GLRA3: variants seen among roughly 807,000 people sequenced by gnomAD.
GLRA3 encodes the protein glycine receptor subunit alpha-3.
Under a neutral mutation model 60.4 loss-of-function variants are expected in GLRA3, and 44 were observed. That is an observed-to-expected ratio of 0.73 (90% confidence interval 0.57 to 0.94). The LOEUF (loss-of-function observed/expected upper bound fraction) is 0.94. Among genes scored for constraint, GLRA3 ranks in the 40% least tolerant of loss-of-function variants. The pLI, the probability that GLRA3 is intolerant of heterozygous loss-of-function variation, is 0.00. For synonymous variants in GLRA3, 223 were observed against 192.9 expected (o/e 1.16, Z -1.29); for missense variants, 508 against 564.6 (o/e 0.90, Z 1.02).
intron 2 of GLRA3, among the ~76,000 whole-genome samples, chr4:174,777,386 A>T: frequency 6.6e-6 from 1 of 152,228 alleles, no homozygotes; most frequent in East Asian, 1.9e-4. Flanking sequence ...AAGCCACGAA[A>T]AGACACAGAG....
chr4:174,821,051 AC>A lies in GLRA3; in HGVS notation c.71+7689del, dbSNP rs775614812. Reference sequence around the variant, plus strand: ...AAGTTAACTTTAAGAAGGAATGTAAACTTTTTACATGTATTTGACATTAAAA... The same window carrying A: ...AAGTTAACTTTAAGAAGGAATGTAAATTTTTACATGTATTTGACATTAAAA... On this transcript the variant is annotated intron_variant, in intron 1 of 9. Coordinates refer to ENST00000274093, the MANE Select transcript of GLRA3 (RefSeq NM_006529.4). 1.1e-4 allele frequency among the ~76,000 whole-genome samples: 17 copies of A among 152,316 alleles called. No individual in the cohort carries two copies. The East Asian group carries it at 1.9e-3, about 17-fold the overall frequency.
In GLRA3 at chr4:174,728,648, G is replaced by A. The variant is rs143084670; in HGVS notation, c.318C>T (p.Leu106=). The A allele has an allele frequency of 6.2e-6, 10 of 1,610,796 alleles. No individual in the cohort carries two copies. The highest frequency in any genetic ancestry group is 2.7e-5 in the African/African-American group (2 of 74,778). Residue 106 remains leucine (L), a synonymous_variant, in exon 4 of 10, where the codon CTC becomes CTT. Transcript: ENST00000274093. ...AGTCGTCAGGATATTCACTGTACGC[G>A]AGGCGGGGATCATTCCATTTCTGAC... ...FLRQKWNDPR[L]AYSEYPDDSL...
Position 174,788,954 on chromosome 4 carries a change from G to C in GLRA3, c.72-11C>G. On this transcript the variant is annotated splice_polypyrimidine_tract_variant and intron_variant, in intron 1 of 9. Coordinates refer to ENST00000274093, the MANE Select transcript of GLRA3 (RefSeq NM_006529.4). ...TTTGTGGCAACCAAACTACAAATAA[G>C]AACAAAAATATAGACTTTACAAAAA... 6.5e-7 allele frequency: 1 copy of C among 1,543,798 alleles called. No individual in the cohort carries two copies.
rs910863356 is a variant in GLRA3, at chr4:174,642,169, T to G, written c.*1617A>C. On this transcript the variant is annotated 3_prime_UTR_variant, in exon 10 of 10. Coordinates refer to ENST00000274093, the MANE Select transcript of GLRA3 (RefSeq NM_006529.4). ...ACATTTACTATTTTTTAAAATGTTA[T>G]TTTAAAAAATTACAATTGTATAAGC... is the stretch of plus-strand genomic sequence containing the variant. 4 of 859,088 alleles carry G rather than the reference T, an allele frequency of 4.7e-6. No homozygotes were observed. In the African/African-American group the frequency reaches 5.5e-5, roughly 12 times the overall value. The allele number at this position is 859,088 out of a possible 1,614,324, so 53.2% of individuals were successfully genotyped here. A position where few individuals can be genotyped will look rare whatever the true frequency, so the allele number is the denominator to read the frequency against.
chr4:174,738,477 G>A (rs1214874600), intron 3 of GLRA3, among the ~76,000 whole-genome samples: 5 of 152,160 alleles, frequency 3.3e-5, no homozygotes, highest in African/African-American at 1.2e-4. Context: ...GTGTGTTCTT[G>A]CATTGCATAC....
At chr4:174,700,660 A>G (rs1735272574) in intron 5 of GLRA3, among the ~76,000 whole-genome samples, 1 of 152,200 alleles carries the variant, frequency 6.6e-6, no homozygotes, top group Non-Finnish European at 1.5e-5. Flanking sequence ...GAGTTAACCA[A>G]GTTATGATGG....
chr4:174,646,875 A>G (rs979930370), intron 9 of GLRA3, among the ~76,000 whole-genome samples: 2 of 152,180 alleles, frequency 1.3e-5, no homozygotes, highest in African/African-American at 4.8e-5. Flanking sequence ...CCAGGCTTTC[A>G]GATCCTTTGA....
At chr4:174,702,251 G>A (rs1450003516) in intron 5 of GLRA3, among the ~76,000 whole-genome samples, 2 of 152,152 alleles carry the variant, frequency 1.3e-5, no homozygotes, top group African/African-American at 4.8e-5. Context: ...CCAGGAAAAT[G>A]ATTATGACTC....
At chr4:174,748,718 G>A (rs907223856) in intron 3 of GLRA3, among the ~76,000 whole-genome samples, 6 of 152,092 alleles carry the variant, frequency 3.9e-5, no homozygotes, top group African/African-American at 1.4e-4. Flanking sequence ...CGGTCTCTAC[G>A]TTTTCTGTGA....
intron 2 of GLRA3, among the ~76,000 whole-genome samples, chr4:174,779,326 T>C (rs537003895): frequency 6.6e-6 from 1 of 152,016 alleles, no homozygotes; most frequent in South Asian, 2.1e-4. Flanking sequence ...ATCACCATCA[T>C]CAAAGACCAA....
At chr4:174,776,532 T>C (rs1413403007) in intron 2 of GLRA3, among the ~76,000 whole-genome samples, 1 of 151,854 alleles carries the variant, frequency 6.6e-6, no homozygotes, top group Non-Finnish European at 1.5e-5. Context: ...AAAGACGCAT[T>C]AAATTAGCAG....
chr4:174,749,764 C>T (rs1010480321), intron 3 of GLRA3, among the ~76,000 whole-genome samples: 18 of 152,058 alleles, frequency 1.2e-4, no homozygotes, highest in African/African-American at 4.3e-4. Context: ...TCTCTTGTAC[C>T]TTCATGGATG....
At chr4:174,721,463 C>CAT (rs1268210056) in intron 4 of GLRA3, among the ~76,000 whole-genome samples, 1 of 147,190 alleles carries the variant, frequency 6.8e-6, no homozygotes, top group Non-Finnish European at 1.5e-5. Flanking sequence ...TATATACACA[C>CAT]ATATATATAA....
At chr4:174,769,481 C>A (rs1035334138) in intron 2 of GLRA3, among the ~76,000 whole-genome samples, 1 of 152,036 alleles carries the variant, frequency 6.6e-6, no homozygotes, top group Non-Finnish European at 1.5e-5. Context: ...CCACATGAAT[C>A]GTTAACTTAT....
At chr4:174,722,813 C>T (rs2111116873) in intron 4 of GLRA3, 1 of 166,998 alleles carries the variant, frequency 6.0e-6, no homozygotes, top group East Asian at 1.9e-4. Flanking sequence ...TTTTCTTTTT[C>T]TAGCACAATT....
At position 174,643,034 on chromosome 4, in the gene GLRA3, A is replaced by G. The variant is rs72996768; in HGVS notation, c.*752T>C. The G allele has an allele frequency of 3.2e-4, 309 of 950,882 alleles. 3 individuals are homozygous for G. In the African/African-American group the frequency reaches 5.1e-3, roughly 16 times the overall value. 58.9% of individuals were successfully genotyped at this position (950,882 alleles called of 1,614,324 possible). On this transcript the variant is annotated 3_prime_UTR_variant, in exon 10 of 10. Transcript: ENST00000274093. ...AATTGTTCAATGTTTGGCAATAACT[A>G]AAAATACATAGCTATAATACTTATT...
At chr4:174,746,959 T>C (rs530529271) in intron 3 of GLRA3, among the ~76,000 whole-genome samples, 18 of 152,340 alleles carry the variant, frequency 1.2e-4, no homozygotes, top group African/African-American at 4.1e-4. Flanking sequence ...GACAGAATCT[T>C]AGATTGACAT....
chr4:174,656,610 G>A (rs1240125651), intron 9 of GLRA3, 133 bp downstream of exon 9: 6 of 507,362 alleles, frequency 1.2e-5, no homozygotes, highest in Non-Finnish European at 2.2e-5. Context: ...GAAGGGGGAT[G>A]ATATTTGCTC....
chr4:174,809,965 T>A (rs550752726), intron 1 of GLRA3, among the ~76,000 whole-genome samples: 1 of 152,140 alleles, frequency 6.6e-6, no homozygotes, highest in South Asian at 2.1e-4. Flanking sequence ...TAAGACAAAA[T>A]AAAAAGCCTT....
Sources: gnomAD v4.1 joint callset for allele counts (sites outside exome capture counted in the v4.1 genomes callset) on GRCh38, gnomAD v4.1.1 for gene constraint, MANE v1.5 for transcripts, NCBI Gene and HGNC (gene_info 2026-07-23, HGNC 2026-07-21) for gene names.